Variants in ZNF385B observed in about 807,000 individuals in gnomAD.
ZNF385B encodes the protein zinc finger protein 385B.
Under a neutral mutation model 39.2 loss-of-function variants are expected in ZNF385B, and 23 were observed. The ratio of observed to expected loss-of-function variants is 0.59; its 90% CI spans 0.42 to 0.83. The LOEUF (loss-of-function observed/expected upper bound fraction) is 0.83. Among genes scored for constraint, ZNF385B ranks in the 40% least tolerant of loss-of-function variants. The probability of loss-of-function intolerance (pLI) is 0.00; values close to 1 mark genes in which losing one functional copy is unlikely to be tolerated. For synonymous variants in ZNF385B, 205 were observed against 222.6 expected, an observed-to-expected ratio of 0.92 and a Z score of 0.70; for missense variants, 552 against 598.9, an observed-to-expected ratio of 0.92 and a Z score of 0.82.
At chr2:179,559,838 A>C (rs2061209267) in intron 3 of ZNF385B, among the ~76,000 whole-genome samples, 1 of 152,090 alleles carries the variant, frequency 6.6e-6, no homozygotes, top group Admixed American at 6.6e-5. Context: ...TACTGTCCTC[A>C]TGCTGTACCT....
intron 3 of ZNF385B, among the ~76,000 whole-genome samples, chr2:179,635,249 C>T (rs141036357): frequency 0.11 from 16,702 of 151,906 alleles, 1,068 homozygotes; most frequent in Non-Finnish European, 0.15. Flanking sequence ...ATGGATGAAG[C>T]TGGAAACCAT....
intron 6 of ZNF385B, among the ~76,000 whole-genome samples, chr2:179,459,537 C>G (rs2051063728): frequency 1.3e-5 from 2 of 150,766 alleles, no homozygotes; most frequent in South Asian, 4.2e-4. Context: ...GTAAAAATAC[C>G]AAGTCTCTGA....
intron 3 of ZNF385B, among the ~76,000 whole-genome samples, chr2:179,667,409 C>A (rs913418042): frequency 2.6e-5 from 4 of 152,280 alleles, no homozygotes; most frequent in Non-Finnish European, 5.9e-5. Context: ...TCCCTCCCCC[C>A]CACCATTTTG....
At chr2:179,475,225 T>C (rs2053270435) in intron 6 of ZNF385B, among the ~76,000 whole-genome samples, 1 of 151,908 alleles carries the variant, frequency 6.6e-6, no homozygotes, top group South Asian at 2.1e-4. Context: ...ACAACACAGA[T>C]TATAGACCAT....
chr2:179,531,956 G>C (rs1229986166), intron 4 of ZNF385B, among the ~76,000 whole-genome samples: 6 of 152,072 alleles, frequency 3.9e-5, no homozygotes, highest in Non-Finnish European at 5.9e-5. Flanking sequence ...AAACATTTTT[G>C]GTTTAAATTT....
At chr2:179,858,040 C>T (rs1210838803) in intron 1 of ZNF385B, among the ~76,000 whole-genome samples, 2 of 152,084 alleles carry the variant, frequency 1.3e-5, no homozygotes, top group African/African-American at 2.4e-5. Context: ...GCTTATTCTG[C>T]ACAACCAAGT....
intron 3 of ZNF385B, among the ~76,000 whole-genome samples, chr2:179,761,892 T>G (rs1395262296): frequency 6.6e-6 from 1 of 151,690 alleles, no homozygotes; most frequent in East Asian, 1.9e-4. Context: ...TTATTTTTAT[T>G]TGTTTTTCTT....
intron 6 of ZNF385B, among the ~76,000 whole-genome samples, chr2:179,475,037 A>G (rs917245074): frequency 6.6e-6 from 1 of 152,194 alleles, no homozygotes; most frequent in African/African-American, 2.4e-5. Flanking sequence ...TAAAAGAGCA[A>G]GGAGTATCAA....
At chr2:179,787,957 T>G (rs1011454724) in intron 1 of ZNF385B, among the ~76,000 whole-genome samples, 3 of 152,176 alleles carry the variant, frequency 2.0e-5, no homozygotes, top group Non-Finnish European at 4.4e-5. Flanking sequence ...GAAACAAATT[T>G]TAGGTATCAT....
At chr2:179,813,628 G>C (rs1706874761) in intron 1 of ZNF385B, among the ~76,000 whole-genome samples, 1 of 152,140 alleles carries the variant, frequency 6.6e-6, no homozygotes, top group African/African-American at 2.4e-5. Flanking sequence ...CCACCCTATA[G>C]TAGTCAAATA....
At chr2:179,821,343 A>G (rs1483671805) in intron 1 of ZNF385B, among the ~76,000 whole-genome samples, 2 of 152,166 alleles carry the variant, frequency 1.3e-5, no homozygotes, top group Non-Finnish European at 2.9e-5. Context: ...TTACCCATTA[A>G]AAATGTCCTC....
At chr2:179,523,308 T>G (rs1252890119) in intron 4 of ZNF385B, among the ~76,000 whole-genome samples, 1 of 151,836 alleles carries the variant, frequency 6.6e-6, no homozygotes, top group East Asian at 1.9e-4. Flanking sequence ...TTTTTTTTTT[T>G]TGGTGTCTTC....
intron 4 of ZNF385B, among the ~76,000 whole-genome samples, chr2:179,520,742 C>A (rs1008576754): frequency 5.3e-5 from 8 of 152,190 alleles, no homozygotes; most frequent in Non-Finnish European, 8.8e-5. Flanking sequence ...TACTTCCCAT[C>A]TGGTGATATG....
intron 3 of ZNF385B, among the ~76,000 whole-genome samples, chr2:179,709,506 T>C (rs1699847788): frequency 6.6e-6 from 1 of 151,184 alleles, no homozygotes; most frequent in South Asian, 2.1e-4. Flanking sequence ...ACCATGAGGA[T>C]GCCCACACTG....
At chr2:179,533,312 C>G (rs889429087) in intron 4 of ZNF385B, among the ~76,000 whole-genome samples, 1 of 152,172 alleles carries the variant, frequency 6.6e-6, no homozygotes, top group Non-Finnish European at 1.5e-5. Context: ...CCCACCACCT[C>G]AGAAGTCTAA....
chr2:179,831,988 G>T (rs1559234208), intron 1 of ZNF385B, among the ~76,000 whole-genome samples: 1 of 152,342 alleles, frequency 6.6e-6, no homozygotes. Context: ...ATGATAGGGT[G>T]TGGAGTTTCA....
intron 3 of ZNF385B, among the ~76,000 whole-genome samples, chr2:179,733,704 AC>A (rs1246711697): frequency 6.9e-6 from 1 of 145,766 alleles, no homozygotes; most frequent in African/African-American, 2.6e-5. Flanking sequence ...AATGGCATGA[AC>A]CCGGGAGGCG....
At chr2:179,860,673 C>A (rs59293459) in intron 1 of ZNF385B, among the ~76,000 whole-genome samples, 17,068 of 152,128 alleles carry the variant, frequency 0.11, 1,247 homozygotes, top group Middle Eastern at 0.19. Flanking sequence ...CCTCGGTCCC[C>A]TAACTACCCA....
intron 3 of ZNF385B, among the ~76,000 whole-genome samples, chr2:179,626,777 C>T (rs1472929772): frequency 6.6e-6 from 1 of 152,176 alleles, no homozygotes; most frequent in African/African-American, 2.4e-5. Context: ...ACCCAACCCT[C>T]TTTCATGAAC....
Sources: allele counts gnomAD v4.1 joint callset (sites outside exome capture counted in the v4.1 genomes callset), GRCh38; gene constraint gnomAD v4.1.1; transcripts MANE v1.5; gene names NCBI Gene and HGNC (gene_info 2026-07-23, HGNC 2026-07-21).